The following CCNF variants were observed in gnomAD, a reference collection of about 807,000 sequenced individuals.
CCNF encodes cyclin F.
CCNF carries 30 observed loss-of-function variants against 85.4 expected under a neutral mutation model. The ratio of observed to expected loss-of-function variants is 0.35; its 90% CI spans 0.26 to 0.48. The LOEUF (loss-of-function observed/expected upper bound fraction) is 0.48. Ranked by LOEUF, CCNF falls within the 20% of genes least tolerant of loss-of-function variation. The pLI is 0.99. For missense variants in CCNF, 919 were observed against 1,010.4 expected (o/e 0.91, Z 1.23); for synonymous variants, 439 against 425.1 (o/e 1.03, Z -0.40).
intron 9 of CCNF, among the ~76,000 whole-genome samples, chr16:2,444,758 A>G (rs919988760): frequency 1.3e-5 from 2 of 152,048 alleles, no homozygotes; most frequent in Non-Finnish European, 2.9e-5. Flanking sequence ...CACCATGCAC[A>G]GCTAATTGTT....
intron 8 of CCNF, among the ~76,000 whole-genome samples, chr16:2,442,937 T>TATATA (rs796636178): frequency 0.73 from 68,816 of 93,890 alleles, 25,641 homozygotes; most frequent in East Asian, 0.87. Context: ...ATATGATTAT[T>TATATA]ATATATTATT....
intron 9 of CCNF, among the ~76,000 whole-genome samples, chr16:2,445,153 C>T (rs1037397595): frequency 1.3e-5 from 2 of 152,196 alleles, no homozygotes; most frequent in African/African-American, 2.4e-5. Flanking sequence ...AGGGTTCATC[C>T]ACTGTGGGCA....
intron 15 of CCNF, among the ~76,000 whole-genome samples, chr16:2,454,976 C>G (rs186292694): frequency 6.7e-6 from 1 of 148,176 alleles, no homozygotes. Context: ...AGGAGACTCA[C>G]TTGAACCCGG....
In CCNF at chr16:2,452,566, C is replaced by T. The variant is rs1481733099; in HGVS notation, c.1488-644C>T. 1 of 152,298 alleles carries T rather than the reference C, an allele frequency of 6.6e-6. No homozygotes were observed. The highest frequency in any genetic ancestry group is 1.5e-5 in the Non-Finnish European group (1 of 68,116). 9.4% of individuals were successfully genotyped at this position (152,298 alleles called of 1,614,324 possible). On this transcript the variant is annotated intron_variant, in intron 13 of 16. Transcript: ENST00000397066. This position sits in a 1 kb window ranked among gnomAD's most constrained non-coding sequence, Gnocchi z 4.1. ...AATTAGAAACGTTATTTAGAAACTA[C>T]ACTTCCTTTGATTGTGTGATTTAAC...
At chr16:2,440,325 A>G (rs969003025) in intron 8 of CCNF, among the ~76,000 whole-genome samples, 11 of 152,132 alleles carry the variant, frequency 7.2e-5, no homozygotes, top group African/African-American at 2.7e-4. Flanking sequence ...ACAGCTATAA[A>G]TAAGTTGTTA....
At chr16:2,438,236 G>C (rs747480031) in intron 6 of CCNF, 113 bp downstream of exon 6, 31 of 844,128 alleles carry the variant, frequency 3.7e-5, no homozygotes, top group Non-Finnish European at 5.1e-5. Flanking sequence ...CAAAAGGCAA[G>C]CCTTGCCCAG....
At chr16:2,447,313 G>T (rs866360511) in intron 10 of CCNF, among the ~76,000 whole-genome samples, 1 of 150,936 alleles carries the variant, frequency 6.6e-6, no homozygotes, top group Non-Finnish European at 1.5e-5. Context: ...GACCAGGCAC[G>T]GTGGCTCACG....
chr16:2,453,608 C>G lies in CCNF; in HGVS notation c.1715+71C>G. On this transcript the variant is annotated intron_variant, in intron 15 of 16. Transcript: ENST00000397066. This position sits in a 1 kb window ranked among gnomAD's most constrained non-coding sequence, Gnocchi z 5.6. ...TCGTGCCGGCCCAGTTCCCTCAGCG[C>G]TTCCTCACACAGAGAGGCCCCCAAG... is the stretch of plus-strand genomic sequence containing the variant. The G allele has an allele frequency of 6.3e-7, 1 of 1,589,526 alleles. No homozygotes were observed. Among genetic ancestry groups the G allele is most frequent in the Non-Finnish European group, 8.6e-7 (1 of 1,164,468 alleles).
At chr16:2,447,682 C>T (rs11648521) in intron 10 of CCNF, among the ~76,000 whole-genome samples, 114,329 of 151,738 alleles carry the variant, frequency 0.75, 44,002 homozygotes, top group African/African-American at 0.92. Flanking sequence ...ACCTGGGAGG[C>T]GGAGGTTGCA....
Position 2,453,614 on chromosome 16 carries a change from C to T in CCNF, c.1715+77C>T, listed in dbSNP as rs896786850. The T allele has an allele frequency of 4.1e-5, 65 of 1,578,312 alleles. No individual in the cohort carries two copies. Among genetic ancestry groups the T allele is most frequent in the Non-Finnish European group, 5.4e-5 (62 of 1,156,474 alleles). On this transcript the variant is annotated intron_variant, in intron 15 of 16. Transcript: ENST00000397066. The surrounding 1 kb of genome is among the most constrained non-coding windows in gnomAD (Gnocchi z 5.6). Reference sequence around the variant, plus strand: ...CGGCCCAGTTCCCTCAGCGCTTCCTCACACAGAGAGGCCCCCAAGGCTTGT... The same window carrying T: ...CGGCCCAGTTCCCTCAGCGCTTCCTTACACAGAGAGGCCCCCAAGGCTTGT...
rs199743115 is a variant in CCNF, at chr16:2,453,536, C to T, written c.1714C>T (p.Arg572Trp). ...CTCTCCCTCGGGGCGGAGAACCAAA[C>T]GGTTAGTTACCCTGCGTTCTGGCTG... The part of the protein sequence containing the change: ...LSSPSGRRTK[R>W]KRENSLQEDR... The change falls in exon 15 of 17, where the codon CGG becomes TGG. Residue 572 changes from arginine to tryptophan, a missense_variant and splice_region_variant. By Grantham distance (101) the Arg-to-Trp change is moderately radical. Around this residue, in one of 3 missense-constraint regions of CCNF, gnomAD observed 505 missense variants for 514.8 expected, o/e 0.98. Transcript: ENST00000397066. This position sits in a 1 kb window ranked among gnomAD's most constrained non-coding sequence, Gnocchi z 5.6. 3.6e-5 allele frequency: 58 copies of T among 1,613,958 alleles called. No homozygotes were observed. The highest frequency in any genetic ancestry group is 3.3e-4 in the Admixed American group (20 of 60,028).
rs952174381 is a variant in CCNF, at chr16:2,452,075, G to A, written c.1488-1135G>A. On this transcript the variant is annotated intron_variant, in intron 13 of 16. Coordinates refer to ENST00000397066, the MANE Select transcript of CCNF (RefSeq NM_001761.3). This position sits in a 1 kb window ranked among gnomAD's most constrained non-coding sequence, Gnocchi z 4.1. ...CCTCGTCAGTGCAGTTTCCTCGTGC[G>A]CTCACAGCTTGGGGACTGGAGCTAT... is the stretch of plus-strand genomic sequence containing the variant. Among the ~76,000 whole-genome samples, 1 of 152,212 alleles carries A rather than the reference G, an allele frequency of 6.6e-6. No individual in the cohort carries two copies. The highest frequency in any genetic ancestry group is 1.5e-5 in the Non-Finnish European group (1 of 68,040).
intron 9 of CCNF, among the ~76,000 whole-genome samples, chr16:2,444,504 A>G (rs4354939): frequency 0.76 from 114,469 of 150,362 alleles, 44,166 homozygotes; most frequent in African/African-American, 0.92. Flanking sequence ...GTTTCATCGT[A>G]TTAGCCAGGA....
rs889966602 is a variant in CCNF at position 2,443,705 on chromosome 16, T to C, written c.834T>C (p.Ala278=). ...ACCAGCTTGGACTGGAGGTGAGAGC[T>C]TCCAGTGAGATCGTCTGCCAGCTAT... ...NANQLGLEVR[A]SSEIVCQLFQ... The change falls in exon 9 of 17, where the codon GCT becomes GCC. Residue 278 remains alanine, a synonymous_variant. Coordinates refer to ENST00000397066, the MANE Select transcript of CCNF (RefSeq NM_001761.3). 9.3e-6 allele frequency: 15 copies of C among 1,613,798 alleles called. No homozygotes were observed. The highest frequency in any genetic ancestry group is 1.3e-5 in the African/African-American group (1 of 74,890).
chr16:2,455,639 C>T lies in CCNF; in HGVS notation c.1885+75C>T, dbSNP rs531519107. The T allele has an allele frequency of 6.7e-6, 10 of 1,489,760 alleles. No homozygotes were observed. In the African/African-American group the frequency reaches 7.0e-5, roughly 10 times the overall value. The allele number at this position is 1,489,760 out of a possible 1,614,324, so 92.3% of individuals were successfully genotyped here. A position where few individuals can be genotyped will look rare whatever the true frequency, so the allele number is the denominator to read the frequency against. On this transcript the variant is annotated intron_variant, in intron 16 of 16. Coordinates refer to ENST00000397066, the MANE Select transcript of CCNF (RefSeq NM_001761.3). ...CTCTCACCGAGGGCCTCTGGGCACC[C>T]GGCCCTGTGCGAGCGCTGTGGGAGG...
chr16:2,443,537 A>C (rs946673080), intron 8 of CCNF, 112 bp from the exon 9 acceptor site: 2 of 978,838 alleles, frequency 2.0e-6, no homozygotes, highest in Non-Finnish European at 3.1e-6. Flanking sequence ...GTTTAAGTTA[A>C]GTAGGGCAGT....
rs558815257 is a variant in CCNF at position 2,433,733 on chromosome 16, G to A, written c.278+666G>A. Among the ~76,000 whole-genome samples, 3 of 152,260 alleles carry A rather than the reference G, an allele frequency of 2.0e-5. No homozygotes were observed. In the South Asian group the frequency reaches 6.2e-4, roughly 32 times the overall value. On this transcript the variant is annotated intron_variant, in intron 3 of 16. Coordinates refer to ENST00000397066, the MANE Select transcript of CCNF (RefSeq NM_001761.3). ...CCTGAGTAGCTAGGATTACAGGCAC[G>A]CGCTACCACGCCCATCTAATTTTTG...
rs901813874 is a variant in CCNF at position 2,452,349 on chromosome 16, T to C, written c.1488-861T>C. On this transcript the variant is annotated intron_variant, in intron 13 of 16. Transcript: ENST00000397066. The surrounding 1 kb of genome is among the most constrained non-coding windows in gnomAD (Gnocchi z 4.1). ...TGCTGCTGCTCATGCTGCTTTCTCC[T>C]GCAGTGCCCGGACCCTGTGCCTTCT... Among the ~76,000 whole-genome samples, 3 of 152,164 alleles carry C rather than the reference T, an allele frequency of 2.0e-5. No individual in the cohort carries two copies. Among genetic ancestry groups the C allele is most frequent in the Non-Finnish European group, 2.9e-5 (2 of 68,024 alleles).
chr16:2,456,216 C>T lies in CCNF; in HGVS notation c.1886-329C>T, dbSNP rs991310308. 1.0e-5 allele frequency: 3 copies of T among 297,674 alleles called. No individual in the cohort carries two copies. The Admixed American group carries it at 1.4e-4, about 14-fold the overall frequency. 18.4% of individuals were successfully genotyped at this position (297,674 alleles called of 1,614,324 possible). A position where few individuals can be genotyped will look rare whatever the true frequency, so the allele number is the denominator to read the frequency against. ...CCTCACTGCCCTGCTGGGATCACTG[C>T]CCTGTGCAAACCCCAGGCAGACTGC... On this transcript the variant is annotated intron_variant, in intron 16 of 16. Coordinates refer to ENST00000397066, the MANE Select transcript of CCNF (RefSeq NM_001761.3). The surrounding 1 kb of genome is among the most constrained non-coding windows in gnomAD (Gnocchi z 4.5).
Sources: allele counts gnomAD v4.1 joint callset (sites outside exome capture counted in the v4.1 genomes callset), GRCh38; gene constraint gnomAD v4.1.1; regional missense constraint gnomAD v4.1.1; non-coding constraint Gnocchi (gnomAD v3.1); transcripts MANE v1.5; gene names NCBI Gene and HGNC (gene_info 2026-07-23, HGNC 2026-07-21).